ARNT2: variants seen among roughly 807,000 people sequenced by gnomAD.
ARNT2 encodes ARNT protein 2.
ARNT2 carries 36 observed loss-of-function variants against 91.7 expected under a neutral mutation model. That is an observed-to-expected ratio of 0.39 (90% CI 0.30 to 0.52). The LOEUF (loss-of-function observed/expected upper bound fraction) is 0.52, where lower values mean the gene tolerates loss of function less well. ARNT2 is among the 20% of genes least tolerant of loss of function. The pLI is 0.72. For missense variants in ARNT2, 775 were observed against 939.3 expected (o/e 0.83, Z 2.29); for synonymous variants, 365 against 347.1 (o/e 1.05, Z -0.57).
intron 8 of ARNT2, among the ~76,000 whole-genome samples, chr15:80,522,048 A>C (rs959602147): frequency 1.3e-5 from 2 of 152,124 alleles, no homozygotes; most frequent in African/African-American, 4.8e-5. Context: ...AAGCAAAATA[A>C]TTTTTAGATA....
At chr15:80,445,350 T>C (rs1896280911) in intron 1 of ARNT2, among the ~76,000 whole-genome samples, 2 of 147,470 alleles carry the variant, frequency 1.4e-5, no homozygotes. Flanking sequence ...GTTTGTGTGT[T>C]GATGTGAGTG....
In ARNT2 at chr15:80,450,544, C is replaced by T. The variant is rs542269650; in HGVS notation, c.32-336C>T. On this transcript the variant is annotated intron_variant, in intron 1 of 18. Coordinates refer to ENST00000303329, the MANE Select transcript of ARNT2 (RefSeq NM_014862.4). The stretch of plus-strand genomic sequence containing the variant: ...TCCCTCAGGCCTTAGCTGTGCTGCT[C>T]GGATTCCTCTGCATCTTACCTGCCT... 3.3e-5 allele frequency among the ~76,000 whole-genome samples: 5 copies of T among 152,358 alleles called. No individual in the cohort carries two copies. The South Asian group carries it at 8.3e-4, about 25-fold the overall frequency.
intron 5 of ARNT2, among the ~76,000 whole-genome samples, chr15:80,480,354 G>C (rs567653756): frequency 6.6e-6 from 1 of 152,064 alleles, no homozygotes; most frequent in Non-Finnish European, 1.5e-5. Flanking sequence ...GGCCGCCCAA[G>C]GGAGCATGGA....
intron 1 of ARNT2, chr15:80,441,392 A>AT: frequency 1.0e-6 from 1 of 984,866 alleles, no homozygotes; most frequent in South Asian, 4.7e-5. Flanking sequence ...GGGCTGTGAT[A>AT]TTTGATGTGC....
At chr15:80,570,301 A>C (rs1898562487) in intron 12 of ARNT2, among the ~76,000 whole-genome samples, 2 of 152,210 alleles carry the variant, frequency 1.3e-5, no homozygotes, top group African/African-American at 4.8e-5. Flanking sequence ...CTGGACACTT[A>C]CATCTACACT....
intron 2 of ARNT2, among the ~76,000 whole-genome samples, chr15:80,455,363 A>G (rs903545483): frequency 6.6e-6 from 1 of 152,188 alleles, no homozygotes; most frequent in African/African-American, 2.4e-5. Context: ...GGTGTGAGGC[A>G]CAGGATCTGG....
intron 5 of ARNT2, among the ~76,000 whole-genome samples, chr15:80,480,112 A>G: frequency 6.6e-6 from 1 of 152,092 alleles, no homozygotes; most frequent in South Asian, 2.1e-4. Flanking sequence ...TGAGAAGAAG[A>G]TGGAGCATGG....
At chr15:80,560,145 C>T (rs1401984573) in intron 11 of ARNT2, 1 of 152,302 alleles carries the variant, frequency 6.6e-6, no homozygotes, top group Non-Finnish European at 1.5e-5. Flanking sequence ...CCTGGTAACC[C>T]CATGGCATTT....
intron 4 of ARNT2, among the ~76,000 whole-genome samples, chr15:80,473,229 G>A (rs767565403): frequency 6.6e-6 from 1 of 152,126 alleles, no homozygotes; most frequent in Non-Finnish European, 1.5e-5. Flanking sequence ...GCTCTTAACC[G>A]TGACTGTTTT....
intron 8 of ARNT2, among the ~76,000 whole-genome samples, chr15:80,515,402 A>G (rs1175830503): frequency 1.3e-5 from 2 of 152,252 alleles, no homozygotes; most frequent in African/African-American, 4.8e-5. Flanking sequence ...TTATTCAGGA[A>G]TAAAAAGCAA....
At chr15:80,532,886 A>G (rs187768205) in intron 8 of ARNT2, among the ~76,000 whole-genome samples, 78 of 152,362 alleles carry the variant, frequency 5.1e-4, no homozygotes, top group African/African-American at 1.9e-3. Flanking sequence ...AATATGGTCA[A>G]GTCTGTGCTT....
chr15:80,476,252 G>A (rs76840517), intron 5 of ARNT2, among the ~76,000 whole-genome samples: 48 of 152,262 alleles, frequency 3.2e-4, no homozygotes, highest in African/African-American at 1.2e-3. Flanking sequence ...AAATGTGGAT[G>A]AGTGTGGCTA....
intron 8 of ARNT2, among the ~76,000 whole-genome samples, chr15:80,514,748 T>G (rs2141428881): frequency 6.6e-6 from 1 of 152,138 alleles, no homozygotes; most frequent in Middle Eastern, 3.4e-3. Context: ...TAGCTGGGCG[T>G]GGTGGCGGGC....
chr15:80,531,086 T>C (rs1446177378), intron 8 of ARNT2, among the ~76,000 whole-genome samples: 1 of 152,368 alleles, frequency 6.6e-6, no homozygotes, highest in East Asian at 1.9e-4. Context: ...CGTGAACAAG[T>C]ACCCTTAACT....
chr15:80,448,898 T>A (rs1896345041), intron 1 of ARNT2, among the ~76,000 whole-genome samples: 1 of 152,136 alleles, frequency 6.6e-6, no homozygotes, highest in Admixed American at 6.5e-5. Flanking sequence ...GGCAGGAGAA[T>A]GGCGTGAACC....
At chr15:80,561,289 T>C (rs1898343980) in intron 11 of ARNT2, among the ~76,000 whole-genome samples, 1 of 152,122 alleles carries the variant, frequency 6.6e-6, no homozygotes, top group East Asian at 1.9e-4. Context: ...CCGACTGCCA[T>C]GGCCCAGAGA....
intron 3 of ARNT2, among the ~76,000 whole-genome samples, chr15:80,466,245 C>A (rs370335343): frequency 6.6e-6 from 1 of 152,204 alleles, no homozygotes; most frequent in African/African-American, 2.4e-5. Context: ...TTAGGAGGTC[C>A]CCATCAGGAA....
chr15:80,481,712 C>G (rs1896892941), intron 5 of ARNT2, among the ~76,000 whole-genome samples: 1 of 152,044 alleles, frequency 6.6e-6, no homozygotes, highest in Admixed American at 6.6e-5. Flanking sequence ...GACCCTGTCT[C>G]AAATAAACAA....
intron 4 of ARNT2, 91 bp from the exon 5 acceptor site, chr15:80,474,919 A>G: frequency 7.8e-7 from 1 of 1,278,026 alleles, no homozygotes; most frequent in East Asian, 2.3e-5. Flanking sequence ...ATATGCAGAT[A>G]AAGGAAATTG....
Sources: gnomAD v4.1 joint callset for allele counts (sites outside exome capture counted in the v4.1 genomes callset) on GRCh38, gnomAD v4.1.1 for gene constraint, MANE v1.5 for transcripts, NCBI Gene and HGNC (gene_info 2026-07-23, HGNC 2026-07-21) for gene names.